Variants in ELMO1 observed in about 807,000 individuals in gnomAD.
The protein encoded by ELMO1 is engulfment and cell motility protein 1.
Under a neutral mutation model 98.9 loss-of-function variants are expected in ELMO1, and 26 were observed. The observed-to-expected ratio is 0.26, with a 90% CI of 0.19 to 0.36. The LOEUF is 0.36. Among genes scored for constraint, ELMO1 ranks in the 10% least tolerant of loss-of-function variants. The pLI is 1.00. For synonymous variants in ELMO1, 346 were observed against 346.0 expected (o/e 1.00, Z 0.00); for missense variants, 627 against 935.2 (o/e 0.67, Z 4.30).
At chr7:37,124,673 G>A (rs1386130549) in intron 14 of ELMO1, among the ~76,000 whole-genome samples, 2 of 152,124 alleles carry the variant, frequency 1.3e-5, no homozygotes, top group African/African-American at 4.8e-5. Flanking sequence ...ATGCTCATGG[G>A]TAGGAAGAAT....
chr7:36,924,303 A>G (rs1362452343), intron 16 of ELMO1, among the ~76,000 whole-genome samples: 2 of 152,138 alleles, frequency 1.3e-5, no homozygotes, highest in Non-Finnish European at 2.9e-5. Flanking sequence ...TTGCAAGTCC[A>G]TGGGTGGGAG....
Position 37,374,071 on chromosome 7 carries a change from G to T in ELMO1, c.-73-31308C>A, listed in dbSNP as rs1048492696. 3.9e-5 allele frequency among the ~76,000 whole-genome samples: 6 copies of T among 152,212 alleles called. No homozygotes were observed. In the East Asian group the frequency reaches 1.2e-3, roughly 29 times the overall value. On this transcript the variant is annotated intron_variant, in intron 1 of 21. Transcript: ENST00000310758. ...ATGAAGTTCCCAGAGAGCTAACGTG[G>T]CTGTGGCCCAGCTTTGGTCTGCTTT...
intron 1 of ELMO1, among the ~76,000 whole-genome samples, chr7:37,346,772 C>T (rs897249326): frequency 3.3e-5 from 5 of 152,106 alleles, no homozygotes; most frequent in Non-Finnish European, 2.9e-5. Flanking sequence ...AAGTACCTTG[C>T]CCCCACCTCT....
intron 8 of ELMO1, among the ~76,000 whole-genome samples, chr7:37,229,271 A>G (rs1794035379): frequency 6.6e-6 from 1 of 152,160 alleles, no homozygotes; most frequent in African/African-American, 2.4e-5. Context: ...AAACCAACTC[A>G]TAACACCTAA....
rs116292933 is a variant in ELMO1 at position 37,394,803 on chromosome 7, A to G, written c.-73-52040T>C. 7.3e-3 allele frequency among the ~76,000 whole-genome samples: 1,117 copies of G among 152,274 alleles called. 21 individuals carry two copies. The highest frequency in any genetic ancestry group is 0.025 in the African/African-American group (1,057 of 41,540). On this transcript the variant is annotated intron_variant, in intron 1 of 21. Transcript: ENST00000310758. ...GGTGGCTTTGATCAGGATGTAGATG[A>G]GAAGAGCAGGTGTTGGTAACTCAGC...
In ELMO1 at chr7:36,856,672, TGACATG is replaced by T. The variant is rs1240622191; in HGVS notation, c.1984-927_1984-922del. On this transcript the variant is annotated intron_variant, in intron 21 of 21. Coordinates refer to ENST00000310758, the MANE Select transcript of ELMO1 (RefSeq NM_014800.11). ...CCTCCCAGAGGCTGGAGTTCTGTAC[TGACATG>T]GACAGAGAACCATGACACCTGGTGA... Among the ~76,000 whole-genome samples, 4 of 152,312 alleles carry T rather than the reference TGACATG, an allele frequency of 2.6e-5. No homozygotes were observed. The East Asian group carries it at 7.7e-4, about 29-fold the overall frequency.
chr7:36,961,295 C>T (rs1243196198), intron 16 of ELMO1, among the ~76,000 whole-genome samples: 1 of 152,122 alleles, frequency 6.6e-6, no homozygotes, highest in Non-Finnish European at 1.5e-5. Context: ...CTGCCATCAC[C>T]CACGCACGGG....
intron 13 of ELMO1, among the ~76,000 whole-genome samples, chr7:37,187,560 C>A (rs1050152102): frequency 6.6e-6 from 1 of 152,152 alleles, no homozygotes; most frequent in African/African-American, 2.4e-5. Flanking sequence ...CTTCTAATAA[C>A]ATATTATGCT....
chr7:37,397,125 T>C (rs956177979), intron 1 of ELMO1, among the ~76,000 whole-genome samples: 2 of 152,252 alleles, frequency 1.3e-5, no homozygotes, highest in African/African-American at 4.8e-5. Context: ...CAGGTTAGAA[T>C]GTCTGCAAAA....
chr7:37,430,137 A>G (rs1804870826), intron 1 of ELMO1, among the ~76,000 whole-genome samples: 1 of 152,164 alleles, frequency 6.6e-6, no homozygotes, highest in Non-Finnish European at 1.5e-5. Flanking sequence ...GCTCTGGCCT[A>G]TTGATTCCAA....
intron 16 of ELMO1, among the ~76,000 whole-genome samples, chr7:36,940,056 G>A (rs6945781): frequency 0.12 from 18,317 of 152,198 alleles, 1,515 homozygotes; most frequent in African/African-American, 0.23. Context: ...CTTTGTAAAC[G>A]GGAAGAATCT....
chr7:36,926,148 T>C (rs923195959), intron 16 of ELMO1, among the ~76,000 whole-genome samples: 1 of 152,170 alleles, frequency 6.6e-6, no homozygotes, highest in South Asian at 2.1e-4. Context: ...ATAAGGAAGA[T>C]CCCAGCTGCC....
intron 15 of ELMO1, 160 bp from the exon 16 acceptor site, chr7:37,013,595 C>A: frequency 1.3e-6 from 1 of 783,216 alleles, no homozygotes; most frequent in East Asian, 2.8e-5. Flanking sequence ...CAAAGGATGG[C>A]CCCCATACAA....
At chr7:37,245,179 G>C (rs1794935763) in intron 6 of ELMO1, among the ~76,000 whole-genome samples, 1 of 152,064 alleles carries the variant, frequency 6.6e-6, no homozygotes, top group East Asian at 1.9e-4. Flanking sequence ...GGGTCCTCTA[G>C]GAAGTCTCTC....
At chr7:36,955,923 TTC>T (rs1412739948) in intron 16 of ELMO1, among the ~76,000 whole-genome samples, 132 of 152,306 alleles carry the variant, frequency 8.7e-4, no homozygotes, top group African/African-American at 3.0e-3. Context: ...CTGTTCTCAC[TTC>T]TCTTTTTCAG....
At chr7:37,217,935 A>G (rs988212462) in intron 10 of ELMO1, among the ~76,000 whole-genome samples, 1 of 152,228 alleles carries the variant, frequency 6.6e-6, no homozygotes, top group Non-Finnish European at 1.5e-5. Flanking sequence ...ACTCAAGTCA[A>G]CATCCAATAC....
At chr7:36,878,442 A>T (rs1053865570) in intron 18 of ELMO1, among the ~76,000 whole-genome samples, 1 of 152,078 alleles carries the variant, frequency 6.6e-6, no homozygotes, top group Admixed American at 6.5e-5. Flanking sequence ...ACTGCTCCTT[A>T]TTCATTTACT....
At chr7:37,379,817 G>T (rs1048592966) in intron 1 of ELMO1, among the ~76,000 whole-genome samples, 33 of 152,076 alleles carry the variant, frequency 2.2e-4, no homozygotes, top group African/African-American at 8.0e-4. Flanking sequence ...ACAGAGGACG[G>T]GCCTCACAAA....
At chr7:37,140,918 TTTTACACTG>T in intron 13 of ELMO1, among the ~76,000 whole-genome samples, 1 of 152,160 alleles carries the variant, frequency 6.6e-6, no homozygotes, top group East Asian at 1.9e-4. Context: ...AAGGGAACAC[TTTTACACTG>T]TTGGTGGAAG....
Sources: allele counts gnomAD v4.1 joint callset (sites outside exome capture counted in the v4.1 genomes callset), GRCh38; gene constraint gnomAD v4.1.1; transcripts MANE v1.5; gene names NCBI Gene and HGNC (gene_info 2026-07-23, HGNC 2026-07-21).